Variants in ARHGEF3 observed in about 807,000 individuals in gnomAD.
ARHGEF3 encodes 59.8 kDA protein.
In ARHGEF3, 28 loss-of-function variants were observed where a neutral mutation model predicts 63.2. The ratio of observed to expected loss-of-function variants is 0.44; its 90% CI spans 0.33 to 0.61. The LOEUF (loss-of-function observed/expected upper bound fraction) is 0.61. ARHGEF3 is among the 20% of genes least tolerant of loss of function. The pLI, the probability that ARHGEF3 is intolerant of heterozygous loss-of-function variation, is 0.03. For synonymous variants in ARHGEF3, 266 were observed against 254.2 expected (o/e 1.05, Z -0.44); for missense variants, 533 against 659.3 (o/e 0.81, Z 2.10).
chr3:56,878,044 G>A (rs1318079708), intron 4 of ARHGEF3, among the ~76,000 whole-genome samples: 4 of 152,170 alleles, frequency 2.6e-5, no homozygotes, highest in Admixed American at 6.6e-5. Flanking sequence ...TCTAGAGAAC[G>A]TATATTCCTT....
At chr3:56,882,009 T>A (rs1213376841) in intron 4 of ARHGEF3, among the ~76,000 whole-genome samples, 1 of 152,244 alleles carries the variant, frequency 6.6e-6, no homozygotes, top group Non-Finnish European at 1.5e-5. Flanking sequence ...AAGAGTACAC[T>A]GGTATTTATC....
chr3:56,916,811 C>A (rs752930401), intron 3 of ARHGEF3, among the ~76,000 whole-genome samples: 103 of 152,340 alleles, frequency 6.8e-4, no homozygotes, highest in Non-Finnish European at 8.1e-4. Context: ...AAAGAGGAAT[C>A]AATGATCTAC....
At chr3:57,050,311 C>T (rs899517913) in intron 1 of ARHGEF3, among the ~76,000 whole-genome samples, 1 of 152,256 alleles carries the variant, frequency 6.6e-6, no homozygotes, top group Non-Finnish European at 1.5e-5. Flanking sequence ...GGCCTTCCCA[C>T]AGGTTGTTCC....
chr3:56,905,337 C>T (rs895548256), intron 3 of ARHGEF3, among the ~76,000 whole-genome samples: 11 of 152,238 alleles, frequency 7.2e-5, no homozygotes, highest in Admixed American at 3.3e-4. Context: ...ATCTATTTTA[C>T]CCAATGCTAA....
At chr3:56,812,720 A>G (rs2038112926) in intron 4 of ARHGEF3, among the ~76,000 whole-genome samples, 2 of 152,226 alleles carry the variant, frequency 1.3e-5, no homozygotes, top group East Asian at 1.9e-4. Flanking sequence ...AAGATTAAAC[A>G]TGGTGCTTAT....
chr3:57,073,915 G>A, intron 1 of ARHGEF3: 1 of 1,614,184 alleles, frequency 6.2e-7, no homozygotes, highest in East Asian at 2.2e-5. Context: ...ACATTTCAGG[G>A]GGATGTGTGC....
chr3:56,966,005 C>CA (rs1391504972), intron 2 of ARHGEF3, among the ~76,000 whole-genome samples: 1 of 148,734 alleles, frequency 6.7e-6, no homozygotes, highest in Non-Finnish European at 1.5e-5. Context: ...TAAAAAAGCT[C>CA]AAAAAAAGAA....
chr3:56,982,255 A>T (rs1323728690), intron 2 of ARHGEF3, among the ~76,000 whole-genome samples: 1 of 141,816 alleles, frequency 7.1e-6, no homozygotes, highest in Non-Finnish European at 1.6e-5. Context: ...AGCTCTCTTT[A>T]AAAAAAAAAA....
intron 1 of ARHGEF3, chr3:57,074,084 T>C: frequency 6.2e-7 from 1 of 1,614,056 alleles, no homozygotes; most frequent in Non-Finnish European, 8.5e-7. Flanking sequence ...CTCAATTTCT[T>C]GGTATGGAAG....
chr3:56,930,787 G>C (rs566596174), intron 3 of ARHGEF3, among the ~76,000 whole-genome samples: 1 of 152,268 alleles, frequency 6.6e-6, no homozygotes, highest in Admixed American at 6.5e-5. Context: ...CATTTATTGA[G>C]GTAGGGAGAT....
chr3:56,823,432 A>G (rs189586430), intron 4 of ARHGEF3, among the ~76,000 whole-genome samples: 132 of 152,030 alleles, frequency 8.7e-4, no homozygotes, highest in Non-Finnish European at 8.5e-4. Flanking sequence ...CCAGACTGCT[A>G]ATCACCTCAA....
chr3:56,827,151 G>A (rs1317029541), intron 4 of ARHGEF3, among the ~76,000 whole-genome samples: 1 of 152,030 alleles, frequency 6.6e-6, no homozygotes, highest in Non-Finnish European at 1.5e-5. Flanking sequence ...CTTTTACATG[G>A]CAAACAAGAA....
chr3:57,054,928 C>A (rs62250295), intron 1 of ARHGEF3, among the ~76,000 whole-genome samples: 1 of 151,704 alleles, frequency 6.6e-6, no homozygotes, highest in Non-Finnish European at 1.5e-5. Context: ...GGATTACAGG[C>A]GTGAGCCATC....
At chr3:56,811,464 AAT>A (rs1270506640) in intron 4 of ARHGEF3, among the ~76,000 whole-genome samples, 1 of 152,162 alleles carries the variant, frequency 6.6e-6, no homozygotes, top group Non-Finnish European at 1.5e-5. Context: ...ACTCCTGGCA[AAT>A]ATGTGTCTCA....
rs1238364413 is a variant in ARHGEF3, at chr3:56,975,643, A to C, written c.63-16754T>G. ...CAAAATCACACAGCTAGTAGGCATC[A>C]GAGTGGGATTCAAACCCAGGCAATC... On this transcript the variant is annotated intron_variant, in intron 2 of 12. Coordinates refer to the ARHGEF3 transcript ENST00000338458. 1.2e-5 allele frequency: 3 copies of C among 252,056 alleles called. No individual in the cohort carries two copies. In the Admixed American group the frequency reaches 1.6e-4, roughly 14 times the overall value. 15.6% of individuals were successfully genotyped at this position (252,056 alleles called of 1,614,324 possible).
chr3:56,920,656 CT>C (rs2042102400), intron 3 of ARHGEF3, among the ~76,000 whole-genome samples: 1 of 152,188 alleles, frequency 6.6e-6, no homozygotes, highest in Admixed American at 6.5e-5. Context: ...GTCACAAAAT[CT>C]TACAGTTGGA....
At chr3:56,925,225 C>A (rs576029764) in intron 3 of ARHGEF3, among the ~76,000 whole-genome samples, 1 of 152,226 alleles carries the variant, frequency 6.6e-6, no homozygotes, top group African/African-American at 2.4e-5. Context: ...ATTGGTGGTG[C>A]AAGCCATGGC....
intron 1 of ARHGEF3, among the ~76,000 whole-genome samples, chr3:57,062,243 C>G (rs913889391): frequency 4.6e-5 from 7 of 152,222 alleles, no homozygotes; most frequent in Admixed American, 4.6e-4. Context: ...GGCCTGTCCT[C>G]ACTGCTCTAG....
intron 1 of ARHGEF3, among the ~76,000 whole-genome samples, chr3:57,047,824 G>C (rs1338397634): frequency 6.6e-6 from 1 of 152,178 alleles, no homozygotes; most frequent in African/African-American, 2.4e-5. Flanking sequence ...AGGAGCAGGA[G>C]ATAGAATCTG....
Sources: allele counts gnomAD v4.1 joint callset (sites outside exome capture counted in the v4.1 genomes callset), GRCh38; gene constraint gnomAD v4.1.1; transcripts MANE v1.5; gene names NCBI Gene and HGNC (gene_info 2026-07-23, HGNC 2026-07-21).